ARID2: variants seen among roughly 807,000 people sequenced by gnomAD.
ARID2 encodes the protein AT-rich interactive domain-containing protein 2.
In ARID2, 32 loss-of-function variants were observed where a neutral mutation model predicts 184.6. The observed-to-expected ratio is 0.17, with a 90% confidence interval of 0.13 to 0.23. The LOEUF (loss-of-function observed/expected upper bound fraction) is 0.23, where lower values mean the gene tolerates loss of function less well. Among genes scored for constraint, ARID2 ranks in the 10% least tolerant of loss-of-function variants. The pLI is 1.00. For synonymous variants in ARID2, 836 were observed against 772.6 expected (o/e 1.08, Z -1.36); for missense variants, 1,696 against 2,197.6 (o/e 0.77, Z 4.56).
intron 20 of ARID2, among the ~76,000 whole-genome samples, chr12:45,904,564 G>A (rs1297208388): frequency 1.3e-5 from 2 of 151,932 alleles, no homozygotes; most frequent in Admixed American, 6.6e-5. Flanking sequence ...GGTGGCACAC[G>A]CCTGTTGTCC....
intron 10 of ARID2, among the ~76,000 whole-genome samples, chr12:45,838,482 C>G (rs1409951703): frequency 6.6e-6 from 1 of 152,096 alleles, no homozygotes; most frequent in Non-Finnish European, 1.5e-5. Context: ...ATATAGATAT[C>G]CACTGCTGGG....
intron 3 of ARID2, among the ~76,000 whole-genome samples, chr12:45,771,125 C>T (rs1241644810): frequency 6.6e-6 from 1 of 152,158 alleles, no homozygotes; most frequent in East Asian, 1.9e-4. Flanking sequence ...AGTATAAATG[C>T]ATATTTCTTT....
At chr12:45,855,575 T>C (rs1192479933) in intron 15 of ARID2, among the ~76,000 whole-genome samples, 1 of 152,224 alleles carries the variant, frequency 6.6e-6, no homozygotes, top group East Asian at 1.9e-4. Flanking sequence ...CTATTGGGGC[T>C]AAATATTTTT....
chr12:45,775,109 AGT>A lies in ARID2; in HGVS notation c.285-36307_285-36306del, dbSNP rs1350904431. On this transcript the variant is annotated intron_variant, in intron 3 of 20. Transcript: ENST00000334344. ...CTGAGGATGAGAAACCCTGGCCTGG[AGT>A]GATTGTGCGTTCATCCTATGAGCCA... 3.3e-5 allele frequency among the ~76,000 whole-genome samples: 5 copies of A among 152,076 alleles called. No homozygotes were observed. In the East Asian group the frequency reaches 9.6e-4, roughly 29 times the overall value.
intron 3 of ARID2, among the ~76,000 whole-genome samples, chr12:45,785,600 C>A (rs1942181812): frequency 6.6e-6 from 1 of 152,024 alleles, no homozygotes; most frequent in Admixed American, 6.6e-5. Flanking sequence ...CCGAAAAGCT[C>A]CAAAATTGGA....
intron 10 of ARID2, 38 bp downstream of exon 10, chr12:45,837,745 A>C (rs1008456411): frequency 1.9e-6 from 3 of 1,585,378 alleles, no homozygotes; most frequent in Non-Finnish European, 2.6e-6. Context: ...TTCTTTATTG[A>C]GTAAAAGTGT....
chr12:45,752,359 C>G (rs1941480120), intron 3 of ARID2, among the ~76,000 whole-genome samples: 1 of 152,172 alleles, frequency 6.6e-6, no homozygotes, highest in Non-Finnish European at 1.5e-5. Context: ...CTTTATTTCT[C>G]TATCTTAGGT....
In ARID2 at chr12:45,887,637, G is replaced by GA. The variant is rs1944217029; in HGVS notation, c.4923-4138dup. On this transcript the variant is annotated intron_variant, in intron 16 of 20. Transcript: ENST00000334344. ...AATTTACTGGATGAGAACGGAAAAG[G>GA]AAAAACAACTCAGCAAAGTGAGATG... 2.6e-5 allele frequency among the ~76,000 whole-genome samples: 4 copies of GA among 152,172 alleles called. No homozygotes were observed. The South Asian group carries it at 6.2e-4, about 24-fold the overall frequency.
At chr12:45,836,503 A>C in intron 6 of ARID2, 86 bp from the exon 7 acceptor site, 1 of 1,272,006 alleles carries the variant, frequency 7.9e-7, no homozygotes, top group Non-Finnish European at 1.1e-6. Context: ...GGCATGAGCC[A>C]CCATACCTAG....
At chr12:45,875,107 G>T (rs1458697778) in intron 16 of ARID2, among the ~76,000 whole-genome samples, 2 of 152,186 alleles carry the variant, frequency 1.3e-5, no homozygotes, top group Non-Finnish European at 2.9e-5. Context: ...CAGCAACAGA[G>T]TGAGACCCTG....
chr12:45,753,317 C>G (rs931711232), intron 3 of ARID2, among the ~76,000 whole-genome samples: 10 of 151,930 alleles, frequency 6.6e-5, no homozygotes, highest in African/African-American at 2.4e-4. Context: ...AAAAGTGTTT[C>G]CCCCCTCATG....
At chr12:45,752,674 C>T (rs939548170) in intron 3 of ARID2, among the ~76,000 whole-genome samples, 3 of 152,168 alleles carry the variant, frequency 2.0e-5, no homozygotes, top group Non-Finnish European at 2.9e-5. Flanking sequence ...ACTCATACCA[C>T]CACACCCAGC....
At chr12:45,763,748 C>T (rs1032150648) in intron 3 of ARID2, among the ~76,000 whole-genome samples, 1 of 152,134 alleles carries the variant, frequency 6.6e-6, no homozygotes, top group African/African-American at 2.4e-5. Context: ...ACCTTGGCCT[C>T]CCAAAATGTT....
At chr12:45,865,225 C>T (rs1046329687) in intron 16 of ARID2, among the ~76,000 whole-genome samples, 2 of 152,058 alleles carry the variant, frequency 1.3e-5, no homozygotes, top group African/African-American at 4.8e-5. Flanking sequence ...GTTTTTACTT[C>T]GTTTTATCAT....
rs1943529824 is a variant in ARID2 at position 45,850,615 on chromosome 12, C to T, written c.2492C>T (p.Thr831Ile). 1.2e-6 allele frequency: 2 copies of T among 1,614,148 alleles called. No homozygotes were observed. The highest frequency in any genetic ancestry group is 1.7e-6 in the Non-Finnish European group (2 of 1,180,004). The change falls in exon 15 of 21, where the codon ACT (threonine) becomes ATT (isoleucine). Residue 831 changes from threonine to isoleucine, a missense_variant. Transcript: ENST00000334344. The part of the protein sequence containing the change: ...LITTSPQPVQ[T>I]SSQQTSAGSQ... ...ACCACATCACCCCAACCTGTGCAAA[C>T]TTCATCTCAACAGACATCAGCTGGT...
At chr12:45,844,294 C>A (rs1440001393) in intron 11 of ARID2, among the ~76,000 whole-genome samples, 4 of 152,194 alleles carry the variant, frequency 2.6e-5, no homozygotes, top group African/African-American at 9.7e-5. Context: ...GCTGGAATTA[C>A]AGGCATGAGC....
chr12:45,891,142 C>A (rs1037538874), intron 16 of ARID2, among the ~76,000 whole-genome samples: 6 of 147,950 alleles, frequency 4.1e-5, no homozygotes, highest in Non-Finnish European at 7.4e-5. Flanking sequence ...TCCAGCCTGG[C>A]GACAGAGCGA....
chr12:45,821,594 T>C (rs1942898024), intron 6 of ARID2, 107 bp downstream of exon 6: 1 of 575,006 alleles, frequency 1.7e-6, no homozygotes, highest in South Asian at 5.0e-5. Flanking sequence ...TATACTTTTA[T>C]CTTTACCTAA....
chr12:45,895,124 A>T (rs1944353253), intron 20 of ARID2, among the ~76,000 whole-genome samples: 2 of 152,170 alleles, frequency 1.3e-5, no homozygotes, highest in African/African-American at 4.8e-5. Context: ...TCTGTCTTAA[A>T]ACTTTTAATC....
Sources: allele counts gnomAD v4.1 joint callset (sites outside exome capture counted in the v4.1 genomes callset), GRCh38; gene constraint gnomAD v4.1.1; transcripts MANE v1.5; gene names NCBI Gene and HGNC (gene_info 2026-07-23, HGNC 2026-07-21).